The following TTN variants were observed in gnomAD, a reference collection of about 807,000 sequenced individuals.
TTN encodes the protein connectin.
Under a neutral mutation model 3,223.0 loss-of-function variants are expected in TTN, and 1,525 were observed. The observed-to-expected ratio is 0.47, with a 90% CI of 0.45 to 0.49. TTN has a LOEUF of 0.49. Among genes scored for constraint, TTN ranks in the 20% least tolerant of loss-of-function variants. TTN has a pLI of 0.00. For missense variants in TTN, 40,786 were observed against 43,424.0 expected, an observed-to-expected ratio of 0.94 and a Z score of 5.40; for synonymous variants, 14,094 against 15,161.0, an observed-to-expected ratio of 0.93 and a Z score of 5.17.
rs1171920812 is a variant in TTN at position 178,789,393 on chromosome 2, A to G, written c.2043T>C (p.Thr681=). The G allele has an allele frequency of 1.9e-6, 3 of 1,613,374 alleles. No individual in the cohort carries two copies. The highest frequency in any genetic ancestry group is 1.7e-5 in the Admixed American group (1 of 59,992). Residue 681 remains threonine (T), a synonymous_variant, in exon 13 of 363, where the codon ACT becomes ACC. Coordinates refer to ENST00000589042, the MANE Select transcript of TTN (RefSeq NM_001267550.2). ...GGGTAACTTGGATTTGTTCTTGTCTAGTAGCCATAGTTTCTCTAGTTCTCA... is the reference window on the plus strand; with the variant it reads ...GGGTAACTTGGATTTGTTCTTGTCTGGTAGCCATAGTTTCTCTAGTTCTCA... ...TILRTRETMA[T]RQEQIQVTHG...
intron 98 of TTN, 38 bp downstream of exon 98, chr2:178,710,597 T>C: frequency 6.3e-7 from 1 of 1,577,658 alleles, no homozygotes; most frequent in Non-Finnish European, 8.6e-7. Context: ...TACAAAATGA[T>C]TACACTTTTG....
At position 178,538,680 on chromosome 2, in the gene TTN, T is replaced by A. The variant is rs780650379; in HGVS notation, c.99149A>T (p.Lys33050Met). ...SGDSAWKKSN[K>M]ERIKDKQFTI... ...GAATTGCTTGTCCTTAATACGTTCC[T>A]TATTGCTCTTCTTCCAGGCACTGTC... The change falls in exon 354 of 363, where the codon AAG becomes ATG. Residue 33050 changes from lysine (K) to methionine (M), a missense_variant. Transcript: ENST00000589042. 4.3e-6 allele frequency: 7 copies of A among 1,613,774 alleles called. No individual in the cohort carries two copies. The highest frequency in any genetic ancestry group is 5.9e-6 in the Non-Finnish European group (7 of 1,179,734).
Position 178,535,779 on chromosome 2 carries a change from C to G in TTN, c.100836G>C (p.Val33612=). The G allele has an allele frequency of 6.2e-7, 1 of 1,612,606 alleles. No homozygotes were observed. The highest frequency in any genetic ancestry group is 8.5e-7 in the Non-Finnish European group (1 of 1,179,616). The change falls in exon 358 of 363, where the codon GTG becomes GTC. Residue 33612 remains valine (V), a synonymous_variant. Transcript: ENST00000589042. ...MGAVHALRGE[V]VSIKIPFSGK... The stretch of plus-strand genomic sequence containing the variant: ...CACTGAAAGGAATCTTGATGCTGAC[C>G]ACTTCACCTCGGAGAGCATGAACTG...
intron 359 of TTN, 140 bp downstream of exon 359, chr2:178,529,820 T>G: frequency 1.1e-6 from 1 of 927,524 alleles, no homozygotes; most frequent in South Asian, 1.9e-5. Flanking sequence ...TCTGCTTTGG[T>G]GTACAAATTG....
chr2:178,799,422 T>A (rs1034376745), intron 6 of TTN, 65 bp downstream of exon 6: 7 of 1,611,372 alleles, frequency 4.3e-6, no homozygotes, highest in Non-Finnish European at 5.9e-6. Flanking sequence ...GACAAGGGAA[T>A]CTTTCTCGTT....
rs538689384 is a variant in TTN at position 178,597,429 on chromosome 2, T to C, written c.57544+109A>G. 1,245 of 1,309,636 alleles carry C rather than the reference T, an allele frequency of 9.5e-4. 1 individual carries two copies. The highest frequency in any genetic ancestry group is 1.2e-3 in the Non-Finnish European group (1,136 of 968,640). 81.1% of individuals were successfully genotyped at this position (1,309,636 alleles called of 1,614,324 possible). On this transcript the variant is annotated intron_variant, in intron 294 of 362. Transcript: ENST00000589042. The stretch of plus-strand genomic sequence containing the variant: ...TAATGTTCAACATGATTATGGGTGA[T>C]TTTTCTTATTTTCCAAAATGTTTGT...
Position 178,671,953 on chromosome 2 carries a change from T to A in TTN, c.35227+18A>T. 5 of 1,578,284 alleles carry A rather than the reference T, an allele frequency of 3.2e-6. No homozygotes were observed. ...AGCAAGATATAAGAATTTGTAGTAT[T>A]TGAAGAATTCCCTATACCTTTAGGT... On this transcript the variant is annotated intron_variant, in intron 155 of 362. Transcript: ENST00000589042.
intron 44 of TTN, 110 bp from the exon 45 acceptor site, chr2:178,758,026 T>C: frequency 8.3e-7 from 1 of 1,205,470 alleles, no homozygotes; most frequent in Non-Finnish European, 1.1e-6. Flanking sequence ...TAGAATTCAG[T>C]CCACTCCTAC....
intron 181 of TTN, 31 bp downstream of exon 181, chr2:178,659,139 CAA>C (rs2064275394): frequency 3.1e-6 from 2 of 642,262 alleles, no homozygotes; most frequent in Admixed American, 7.2e-5. Context: ...GACAAACAAA[CAA>C]TATCAAACAC....
In TTN at chr2:178,766,551, T is replaced by G; in HGVS notation, c.9533A>C (p.His3178Pro). 1 of 1,614,076 alleles carries G rather than the reference T, an allele frequency of 6.2e-7. No individual in the cohort carries two copies. Among genetic ancestry groups the G allele is most frequent in the Non-Finnish European group, 8.5e-7 (1 of 1,179,994 alleles). Residue 3178 changes from histidine (H) to proline (P), a missense_variant, in exon 41 of 363, where the codon CAC becomes CCC. Coordinates refer to ENST00000589042, the MANE Select transcript of TTN (RefSeq NM_001267550.2). The stretch of plus-strand genomic sequence containing the variant: ...GATTTCAATGCCATCTTTATACCAG[T>G]GGGCATCAACATCGTCTTCATTGAC... ...FEVNEDDVDA[H>P]WYKDGIEINF...
Position 178,609,342 on chromosome 2 carries a change from C to T in TTN, c.51968G>A (p.Ser17323Asn). 2 of 1,611,858 alleles carry T rather than the reference C, an allele frequency of 1.2e-6. No homozygotes were observed. Among genetic ancestry groups the T allele is most frequent in the Non-Finnish European group, 1.7e-6 (2 of 1,178,852 alleles). The change falls in exon 273 of 363, where the codon AGT (serine) becomes AAT (asparagine). Residue 17323 changes from serine to asparagine, a missense_variant. By Grantham distance (46) the Ser-to-Asn change is conservative. Coordinates refer to ENST00000589042, the MANE Select transcript of TTN (RefSeq NM_001267550.2). ...TTCTCCCTTTTTGCTGTTGTCAATACTCAAACGCTGTGTCAGAGGCAGGAC... is the reference window on the plus strand; with the variant it reads ...TTCTCCCTTTTTGCTGTTGTCAATATTCAAACGCTGTGTCAGAGGCAGGAC... ...PFVLPLTQRLSIDNSKKGESQ... is the reference protein window; with the variant it reads ...PFVLPLTQRLNIDNSKKGESQ...
chr2:178,786,740 T>C (rs549878001), intron 13 of TTN, among the ~76,000 whole-genome samples: 2 of 152,234 alleles, frequency 1.3e-5, no homozygotes, highest in South Asian at 4.1e-4. Context: ...AAAATACCTT[T>C]CTTAAAACAC....
Position 178,631,015 on chromosome 2 carries a change from C to G in TTN, c.44014+19G>C, listed in dbSNP as rs139264089. On this transcript the variant is annotated intron_variant, in intron 237 of 362. Transcript: ENST00000589042. ...TAACCCCAATGCTTCAAGAGTGAAA[C>G]TCATGGAAATTTCCTTACCCTCAAT... 4.3e-4 allele frequency: 696 copies of G among 1,612,772 alleles called. 8 individuals carry two copies. In the East Asian group the frequency reaches 0.013, roughly 31 times the overall value.
In TTN at chr2:178,710,630, G is replaced by A; in HGVS notation, c.28462+5C>T. On this transcript the variant is annotated splice_donor_5th_base_variant and intron_variant, in intron 98 of 362. Coordinates refer to ENST00000589042, the MANE Select transcript of TTN (RefSeq NM_001267550.2). Reference sequence around the variant, plus strand: ...TTGTTGGACCACTTGCAAAATAAACGATACCTTTTATATTCAGCTGAGCTG... The same window carrying A: ...TTGTTGGACCACTTGCAAAATAAACAATACCTTTTATATTCAGCTGAGCTG... 6.3e-7 allele frequency: 1 copy of A among 1,594,644 alleles called. No homozygotes were observed. The highest frequency in any genetic ancestry group is 8.6e-7 in the Non-Finnish European group (1 of 1,166,852).
chr2:178,646,702 C>T lies in TTN; in HGVS notation c.40223-143G>A, dbSNP rs3754952. The T allele has an allele frequency of 4.7e-3, 2,620 of 553,614 alleles. 45 individuals carry two copies. Among genetic ancestry groups the T allele is most frequent in the East Asian group, 0.022 (753 of 34,736 alleles). 34.3% of individuals were successfully genotyped at this position (553,614 alleles called of 1,614,324 possible). ...ACAAATTCATGTATAGAAAAATTCA[C>T]GTATAAGAAAAAGTTCTTTTACTTG... On this transcript the variant is annotated intron_variant, in intron 215 of 362. Transcript: ENST00000589042.
chr2:178,784,965 G>T (rs2093059127), intron 15 of TTN, among the ~76,000 whole-genome samples: 2 of 152,080 alleles, frequency 1.3e-5, no homozygotes, highest in South Asian at 4.2e-4. Context: ...TCTATTTCTT[G>T]GATGTGTATA....
chr2:178,628,103 G>C (rs1028983089), intron 240 of TTN, among the ~76,000 whole-genome samples: 7 of 152,038 alleles, frequency 4.6e-5, no homozygotes, highest in African/African-American at 1.7e-4. Flanking sequence ...AGACCAAGAA[G>C]ATCTTATTAT....
At position 178,539,406 on chromosome 2, in the gene TTN, G is replaced by A; in HGVS notation, c.98659C>T (p.Pro32887Ser). ...GISKPLKSEE[P>S]VTPKTPLNPP... ...CTCAATGGTGTTTTTGGTGTGACTG[G>A]TTCCTCAGATTTCAAGGGTTTGCTT... The change falls in exon 352 of 363, where the codon CCA (proline) becomes TCA (serine). Residue 32887 changes from proline to serine, a missense_variant. By Grantham distance (74) the Pro-to-Ser change is moderately conservative. Coordinates refer to ENST00000589042, the MANE Select transcript of TTN (RefSeq NM_001267550.2). 2 of 1,612,716 alleles carry A rather than the reference G, an allele frequency of 1.2e-6. No individual in the cohort carries two copies. The highest frequency in any genetic ancestry group is 1.7e-4 in the Middle Eastern group (1 of 6,054).
chr2:178,724,674 TCC>T, intron 71 of TTN, 136 bp from the exon 72 acceptor site: 1 of 811,718 alleles, frequency 1.2e-6, no homozygotes, highest in Non-Finnish European at 1.7e-6. Flanking sequence ...AAAGTGTGAT[TCC>T]ATAATTACAT....
Sources: gnomAD v4.1 joint callset for allele counts (sites outside exome capture counted in the v4.1 genomes callset) on GRCh38, gnomAD v4.1.1 for gene constraint, MANE v1.5 for transcripts, NCBI Gene and HGNC (gene_info 2026-07-23, HGNC 2026-07-21) for gene names.